Variants in MAP3K20 observed in about 807,000 individuals in gnomAD.
MAP3K20 encodes mitogen-activated protein kinase kinase kinase 20.
In MAP3K20, 40 loss-of-function variants were observed where a neutral mutation model predicts 85.7. The observed-to-expected ratio is 0.47, with a 90% confidence interval of 0.36 to 0.61. The LOEUF is 0.61. Among genes scored for constraint, MAP3K20 ranks in the 20% least tolerant of loss-of-function variants. The probability of loss-of-function intolerance (pLI) is 0.00; values close to 1 mark genes in which losing one functional copy is unlikely to be tolerated. For synonymous variants in MAP3K20, 325 were observed against 327.7 expected, an observed-to-expected ratio of 0.99 and a Z score of 0.09; for missense variants, 817 against 961.7, an observed-to-expected ratio of 0.85 and a Z score of 1.99.
intron 4 of MAP3K20, among the ~76,000 whole-genome samples, chr2:173,184,510 A>G (rs1343367293): frequency 6.6e-6 from 1 of 152,140 alleles, no homozygotes. Flanking sequence ...ATCCCGACTG[A>G]GGGATAAGTC....
At chr2:173,119,294 A>G (rs527817303) in intron 2 of MAP3K20, among the ~76,000 whole-genome samples, 219 of 152,232 alleles carry the variant, frequency 1.4e-3, no homozygotes, top group African/African-American at 5.1e-3. Flanking sequence ...CGAGTGTGTC[A>G]TGGGGCAGAG....
chr2:173,161,271 A>C (rs734993), intron 2 of MAP3K20, among the ~76,000 whole-genome samples: 26,209 of 152,194 alleles, frequency 0.17, 2,628 homozygotes, highest in South Asian at 0.34. Context: ...TCCACAGTGA[A>C]CTAGTGAACA....
At chr2:173,226,399 T>C in intron 11 of MAP3K20, 1 of 985,454 alleles carries the variant, frequency 1.0e-6, no homozygotes, top group Non-Finnish European at 1.2e-6. Flanking sequence ...TCATACCACA[T>C]ATATAACAGA....
intron 2 of MAP3K20, among the ~76,000 whole-genome samples, chr2:173,149,407 A>G (rs1689231533): frequency 6.6e-6 from 1 of 151,468 alleles, no homozygotes; most frequent in Admixed American, 6.6e-5. Flanking sequence ...GTAATGTACT[A>G]TATATAGTAA....
intron 2 of MAP3K20, among the ~76,000 whole-genome samples, chr2:173,128,340 T>TTTAC (rs1284607788): frequency 8.0e-5 from 12 of 149,532 alleles, no homozygotes; most frequent in Non-Finnish European, 1.6e-4. Flanking sequence ...TATTTATTTA[T>TTTAC]TTATTTATTT....
At chr2:173,250,956 C>T (rs1685029505) in intron 16 of MAP3K20, among the ~76,000 whole-genome samples, 1 of 152,132 alleles carries the variant, frequency 6.6e-6, no homozygotes, top group African/African-American at 2.4e-5. Flanking sequence ...CAGGGTTATA[C>T]TTAATGATAA....
intron 1 of MAP3K20, among the ~76,000 whole-genome samples, chr2:173,076,210 C>T (rs1686853541): frequency 6.6e-6 from 1 of 151,626 alleles, no homozygotes. Flanking sequence ...AGCGAGCGAG[C>T]GTTCGCGGCG....
At chr2:173,204,617 T>A (rs139256421) in intron 9 of MAP3K20, among the ~76,000 whole-genome samples, 1 of 152,116 alleles carries the variant, frequency 6.6e-6, no homozygotes, top group African/African-American at 2.4e-5. Context: ...CGCATACATA[T>A]GGAAATGTTT....
chr2:173,095,175 A>G (rs115470661), intron 2 of MAP3K20, among the ~76,000 whole-genome samples: 1 of 152,286 alleles, frequency 6.6e-6, no homozygotes, highest in South Asian at 2.1e-4. Flanking sequence ...AACTATCCCA[A>G]ATTTAGCAAG....
At chr2:173,166,602 T>G (rs1689830176) in intron 2 of MAP3K20, 2 of 148,798 alleles carry the variant, frequency 1.3e-5, no homozygotes, top group African/African-American at 5.0e-5. Context: ...ATTTTTCAAT[T>G]AAACAAAAAT....
intron 5 of MAP3K20, among the ~76,000 whole-genome samples, chr2:173,188,603 AGT>A (rs57841502): frequency 4.0e-5 from 6 of 148,690 alleles, no homozygotes; most frequent in South Asian, 2.1e-4. Flanking sequence ...TGTGTGTGTG[AGT>A]GTGTGTGTGT....
intron 2 of MAP3K20, among the ~76,000 whole-genome samples, chr2:173,149,191 A>G (rs1689224817): frequency 6.6e-6 from 1 of 152,242 alleles, no homozygotes; most frequent in South Asian, 2.1e-4. Flanking sequence ...TAAGAATAGT[A>G]AAGTGTATTC....
intron 7 of MAP3K20, among the ~76,000 whole-genome samples, chr2:173,193,307 A>G (rs561447134): frequency 6.6e-6 from 1 of 152,328 alleles, no homozygotes; most frequent in South Asian, 2.1e-4. Flanking sequence ...TTTTGCACTT[A>G]TGAGTCCACA....
chr2:173,237,019 C>CTTTTTTTTTTT (rs368196400), intron 14 of MAP3K20, among the ~76,000 whole-genome samples: 2 of 75,538 alleles, frequency 2.6e-5, no homozygotes, highest in Non-Finnish European at 4.7e-5. Flanking sequence ...GTATATCCAC[C>CTTTTTTTTTTT]TTTTTTTTTT....
intron 16 of MAP3K20, among the ~76,000 whole-genome samples, chr2:173,239,896 A>T (rs1684741691): frequency 3.9e-5 from 6 of 152,262 alleles, no homozygotes; most frequent in Admixed American, 3.9e-4. Flanking sequence ...GACCCAAATT[A>T]TCAGCTCTAA....
rs1285937896 is a variant in MAP3K20, at chr2:173,191,188, T to G, written c.582+11T>G. 1 of 1,610,744 alleles carries G rather than the reference T, an allele frequency of 6.2e-7. No homozygotes were observed. Among genetic ancestry groups the G allele is most frequent in the Non-Finnish European group, 8.5e-7 (1 of 1,179,136 alleles). ...TATTCCTATGGTGTGGTGAGTTCATTTCTCATTTCTTGTTTACTAAGGGAA... is the reference window on the plus strand; with the variant it reads ...TATTCCTATGGTGTGGTGAGTTCATGTCTCATTTCTTGTTTACTAAGGGAA... On this transcript the variant is annotated intron_variant, in intron 7 of 19. Coordinates refer to ENST00000375213, the MANE Select transcript of MAP3K20 (RefSeq NM_016653.3).
At chr2:173,216,536 T>G (rs1684078098) in intron 10 of MAP3K20, among the ~76,000 whole-genome samples, 1 of 151,682 alleles carries the variant, frequency 6.6e-6, no homozygotes. Context: ...ACAAGTTGCC[T>G]ATGTAAGTCT....
chr2:173,252,875 G>C (rs1685070729), intron 16 of MAP3K20, among the ~76,000 whole-genome samples: 1 of 152,206 alleles, frequency 6.6e-6, no homozygotes, highest in Admixed American at 6.5e-5. Flanking sequence ...CTTCTTAGTA[G>C]TGCTGAATCA....
chr2:173,121,640 G>C (rs963967467), intron 2 of MAP3K20, among the ~76,000 whole-genome samples: 1 of 152,084 alleles, frequency 6.6e-6, no homozygotes, highest in Non-Finnish European at 1.5e-5. Context: ...GCCCGCCTTG[G>C]CCTCCCAAAG....
Sources: allele counts gnomAD v4.1 joint callset (sites outside exome capture counted in the v4.1 genomes callset), GRCh38; gene constraint gnomAD v4.1.1; transcripts MANE v1.5; gene names NCBI Gene and HGNC (gene_info 2026-07-23, HGNC 2026-07-21).